Variants in DLG2 observed in about 807,000 individuals in gnomAD.
DLG2 encodes discs large MAGUK scaffold protein 2.
A neutral mutation model predicts 132.5 loss-of-function variants in DLG2; 45 were observed. The observed-to-expected ratio is 0.34, with a 90% CI of 0.27 to 0.44. DLG2 has a LOEUF of 0.44. Ranked by LOEUF, DLG2 falls within the 20% of genes least tolerant of loss-of-function variation. The probability of loss-of-function intolerance (pLI) is 1.00; values close to 1 mark genes in which losing one functional copy is unlikely to be tolerated. For missense variants in DLG2, 1,045 were observed against 1,196.9 expected, an observed-to-expected ratio of 0.87 and a Z score of 1.87; for synonymous variants, 424 against 419.6, an observed-to-expected ratio of 1.01 and a Z score of -0.13.
Position 85,413,412 on chromosome 11 carries a change from G to A in DLG2, c.41-128047C>T, listed in dbSNP as rs190431719. 2.6e-4 allele frequency among the ~76,000 whole-genome samples: 40 copies of A among 151,914 alleles called. 1 individual carries two copies. The East Asian group carries it at 7.7e-3, about 29-fold the overall frequency. ...TACAAAAGCTCTTTAGTTTAATTAA[G>A]CCCCAGCTATTTATCTTTGTTTTTA... On this transcript the variant is annotated intron_variant, in intron 3 of 27. Transcript: ENST00000376104.
chr11:84,900,135 T>A (rs2090710525), intron 6 of DLG2, among the ~76,000 whole-genome samples: 1 of 152,096 alleles, frequency 6.6e-6, no homozygotes, highest in Non-Finnish European at 1.5e-5. Flanking sequence ...TAGATTTGAT[T>A]AATGATTTGA....
At chr11:84,070,507 AT>A (rs2096740290) in intron 10 of DLG2, among the ~76,000 whole-genome samples, 2 of 152,248 alleles carry the variant, frequency 1.3e-5, no homozygotes, top group Non-Finnish European at 2.9e-5. Flanking sequence ...TAAGAAATAC[AT>A]TTAACAATGC....
At chr11:84,322,665 C>T (rs1487855283) in intron 7 of DLG2, among the ~76,000 whole-genome samples, 3 of 151,488 alleles carry the variant, frequency 2.0e-5, no homozygotes, top group Admixed American at 2.0e-4. Flanking sequence ...TCTCAGCTCA[C>T]TGCAACCTCC....
At chr11:85,039,788 T>C (rs576157401) in intron 6 of DLG2, among the ~76,000 whole-genome samples, 5 of 152,122 alleles carry the variant, frequency 3.3e-5, no homozygotes, top group African/African-American at 9.6e-5. Flanking sequence ...TGATGGTATA[T>C]ATCACTTCTT....
At chr11:85,189,682 A>T (rs1247394054) in intron 4 of DLG2, among the ~76,000 whole-genome samples, 3 of 152,252 alleles carry the variant, frequency 2.0e-5, no homozygotes, top group Non-Finnish European at 4.4e-5. Context: ...TGATGATTAC[A>T]TATGTTAAAA....
chr11:83,970,761 T>C (rs1315603039), intron 12 of DLG2, among the ~76,000 whole-genome samples: 1 of 152,244 alleles, frequency 6.6e-6, no homozygotes, highest in Non-Finnish European at 1.5e-5. Flanking sequence ...TTAGCTCTTA[T>C]CACTAATACT....
At chr11:84,655,349 G>A (rs2154547222) in intron 6 of DLG2, among the ~76,000 whole-genome samples, 1 of 152,256 alleles carries the variant, frequency 6.6e-6, no homozygotes, top group South Asian at 2.1e-4. Context: ...GACTCCATAT[G>A]CTTTAATGTT....
chr11:84,777,304 TATATATATATATATATATATAC>T (rs1421685711), intron 6 of DLG2, among the ~76,000 whole-genome samples: 6 of 133,384 alleles, frequency 4.5e-5, no homozygotes, highest in Non-Finnish European at 8.0e-5. Flanking sequence ...TATATATATA[TATATATATATATATATATATAC>T]GTTTTCTTTA....
chr11:84,371,264 T>C (rs1404202924), intron 7 of DLG2, among the ~76,000 whole-genome samples: 3 of 151,702 alleles, frequency 2.0e-5, no homozygotes, highest in Admixed American at 6.6e-5. Context: ...AAAATCTTTT[T>C]TTTTTTTTTT....
At chr11:83,615,674 A>T (rs761843329) in intron 19 of DLG2, among the ~76,000 whole-genome samples, 14 of 152,254 alleles carry the variant, frequency 9.2e-5, no homozygotes, top group Non-Finnish European at 1.9e-4. Flanking sequence ...CGCCATGAGA[A>T]GCACTCAACT....
chr11:85,196,983 T>C (rs2081117507), intron 4 of DLG2, among the ~76,000 whole-genome samples: 1 of 152,208 alleles, frequency 6.6e-6, no homozygotes. Flanking sequence ...ATTCCTCTCA[T>C]ATGACACAAC....
At chr11:85,396,282 T>A (rs2087356872) in intron 3 of DLG2, among the ~76,000 whole-genome samples, 2 of 151,768 alleles carry the variant, frequency 1.3e-5, no homozygotes, top group South Asian at 4.2e-4. Context: ...GACACCAGAA[T>A]CAAAGACCAA....
At chr11:84,933,253 T>G (rs1000209909) in intron 6 of DLG2, among the ~76,000 whole-genome samples, 1 of 152,212 alleles carries the variant, frequency 6.6e-6, no homozygotes, top group Non-Finnish European at 1.5e-5. Flanking sequence ...AGTACCATCC[T>G]CTTTCAGTTA....
intron 7 of DLG2, among the ~76,000 whole-genome samples, chr11:84,489,256 C>T (rs576018289): frequency 2.6e-5 from 4 of 152,188 alleles, no homozygotes; most frequent in African/African-American, 4.8e-5. Flanking sequence ...AGTCTCAGCA[C>T]TGATTATTTA....
At chr11:85,225,959 C>T (rs930105125) in intron 4 of DLG2, among the ~76,000 whole-genome samples, 1 of 152,010 alleles carries the variant, frequency 6.6e-6, no homozygotes, top group East Asian at 1.9e-4. Flanking sequence ...TATTACCTAG[C>T]TCCCCAATGC....
intron 15 of DLG2, among the ~76,000 whole-genome samples, chr11:83,899,905 T>C (rs897672441): frequency 6.6e-6 from 1 of 152,090 alleles, no homozygotes; most frequent in Non-Finnish European, 1.5e-5. Flanking sequence ...GATAGGGAAA[T>C]GTGGGAAAGT....
At chr11:84,487,935 T>C (rs1489452723) in intron 7 of DLG2, among the ~76,000 whole-genome samples, 1 of 152,128 alleles carries the variant, frequency 6.6e-6, no homozygotes, top group Non-Finnish European at 1.5e-5. Flanking sequence ...AGGAAGATAA[T>C]CCCATTTTAT....
chr11:84,862,077 C>G (rs1405904188), intron 6 of DLG2, among the ~76,000 whole-genome samples: 1 of 151,482 alleles, frequency 6.6e-6, no homozygotes, highest in Non-Finnish European at 1.5e-5. Flanking sequence ...GGGAGATATA[C>G]CTAATGCTAG....
At chr11:84,230,988 T>C (rs993940140) in intron 8 of DLG2, among the ~76,000 whole-genome samples, 1 of 152,222 alleles carries the variant, frequency 6.6e-6, no homozygotes, top group Non-Finnish European at 1.5e-5. Context: ...CCTCAGAATA[T>C]ACATTGTCTT....
Sources: allele counts gnomAD v4.1 joint callset (sites outside exome capture counted in the v4.1 genomes callset), GRCh38; gene constraint gnomAD v4.1.1; transcripts MANE v1.5; gene names NCBI Gene and HGNC (gene_info 2026-07-23, HGNC 2026-07-21).